SOBP: variants seen among roughly 807,000 people sequenced by gnomAD.
SOBP encodes the protein sine oculis binding protein homolog, also known as sine oculis-binding protein homolog.
SOBP carries 4 observed loss-of-function variants against 53.6 expected under a neutral mutation model. The observed-to-expected ratio is 0.07, with a 90% CI of 0.04 to 0.17. The LOEUF (loss-of-function observed/expected upper bound fraction) is 0.17. Among genes scored for constraint, SOBP ranks in the 10% least tolerant of loss-of-function variants. The pLI, the probability that SOBP is intolerant of heterozygous loss-of-function variation, is 1.00. For synonymous variants in SOBP, 584 were observed against 522.6 expected, an observed-to-expected ratio of 1.12 and a Z score of -1.60; for missense variants, 1,088 against 1,204.7, an observed-to-expected ratio of 0.90 and a Z score of 1.43.
rs754199891 is a variant in SOBP, at chr6:107,533,440, T to C, written c.422-19T>C. ...TGTTTGCTTCTGATATGAACATTTT[T>C]CTTATACTTTTATTATAGAAGATGA... On this transcript the variant is annotated intron_variant, in intron 3 of 6. Transcript: ENST00000317357. 1 of 1,613,944 alleles carries C rather than the reference T, an allele frequency of 6.2e-7. No individual in the cohort carries two copies. The highest frequency in any genetic ancestry group is 8.5e-7 in the Non-Finnish European group (1 of 1,179,862).
chr6:107,587,634 C>T (rs1785608645), intron 5 of SOBP, among the ~76,000 whole-genome samples: 1 of 152,126 alleles, frequency 6.6e-6, no homozygotes, highest in African/African-American at 2.4e-5. Context: ...AAGTATTCCT[C>T]CACTCTCTTG....
chr6:107,631,524 A>G (rs1267312560), intron 5 of SOBP, among the ~76,000 whole-genome samples: 2 of 152,208 alleles, frequency 1.3e-5, no homozygotes, highest in Non-Finnish European at 2.9e-5. Flanking sequence ...TAGATGAAAA[A>G]TTTGAGGGTC....
intron 5 of SOBP, among the ~76,000 whole-genome samples, chr6:107,623,922 G>A (rs1046228395): frequency 1.3e-5 from 2 of 152,288 alleles, no homozygotes; most frequent in African/African-American, 2.4e-5. Context: ...GGGAAACCAC[G>A]TCAATTCTTT....
chr6:107,552,617 A>G (rs1784491131), intron 4 of SOBP, among the ~76,000 whole-genome samples: 1 of 152,138 alleles, frequency 6.6e-6, no homozygotes, highest in South Asian at 2.1e-4. Flanking sequence ...ATTCCAGTCA[A>G]ATGAGATGAA....
At chr6:107,583,913 T>C (rs1785485565) in intron 4 of SOBP, among the ~76,000 whole-genome samples, 1 of 152,204 alleles carries the variant, frequency 6.6e-6, no homozygotes, top group Admixed American at 6.5e-5. Flanking sequence ...CATGAAATGC[T>C]CCAATGAACA....
At chr6:107,592,288 A>G (rs1465820355) in intron 5 of SOBP, among the ~76,000 whole-genome samples, 1 of 152,174 alleles carries the variant, frequency 6.6e-6, no homozygotes. Flanking sequence ...TGTCTTTGCA[A>G]TCCAGCCCAA....
At chr6:107,517,980 A>G (rs2114966291) in intron 3 of SOBP, among the ~76,000 whole-genome samples, 1 of 152,346 alleles carries the variant, frequency 6.6e-6, no homozygotes, top group South Asian at 2.1e-4. Context: ...ATAGTGCAAT[A>G]TATCAATATA....
intron 1 of SOBP, among the ~76,000 whole-genome samples, chr6:107,491,523 G>A (rs186132081): frequency 4.6e-5 from 7 of 152,358 alleles, no homozygotes; most frequent in Non-Finnish European, 7.3e-5. Context: ...CGCTCCAGCT[G>A]TTCGCGTTAG....
chr6:107,536,960 A>G (rs12198392), intron 4 of SOBP, among the ~76,000 whole-genome samples: 2,852 of 152,360 alleles, frequency 0.019, 45 homozygotes, highest in East Asian at 0.054. Flanking sequence ...CATTGTATGG[A>G]CAATGGGATG....
intron 5 of SOBP, chr6:107,621,102 T>G (rs1786987638): frequency 1.2e-6 from 1 of 813,740 alleles, no homozygotes; most frequent in Non-Finnish European, 1.5e-6. Flanking sequence ...AGATTTCTGG[T>G]GAGTGATATT....
At chr6:107,564,303 A>G (rs1031498463) in intron 4 of SOBP, among the ~76,000 whole-genome samples, 1 of 152,138 alleles carries the variant, frequency 6.6e-6, no homozygotes, top group Non-Finnish European at 1.5e-5. Flanking sequence ...ACTCTCCTGT[A>G]GTTTCAATGC....
intron 6 of SOBP, among the ~76,000 whole-genome samples, chr6:107,644,768 T>C (rs1004376218): frequency 4.6e-5 from 7 of 152,320 alleles, no homozygotes; most frequent in African/African-American, 1.7e-4. Flanking sequence ...ATAGATCAAA[T>C]TTCTTTTAAA....
At chr6:107,610,773 TGTGTGCGCAC>T (rs1483185756) in intron 5 of SOBP, among the ~76,000 whole-genome samples, 10 of 148,964 alleles carry the variant, frequency 6.7e-5, no homozygotes, top group Non-Finnish European at 1.3e-4. Context: ...TGCGCATGTG[TGTGTGCGCAC>T]GTGTGTGCAC....
chr6:107,613,603 G>T (rs971525585), intron 5 of SOBP, among the ~76,000 whole-genome samples: 2 of 152,192 alleles, frequency 1.3e-5, no homozygotes, highest in Non-Finnish European at 2.9e-5. Context: ...TTTGTTATAA[G>T]TTCACAGATA....
intron 5 of SOBP, among the ~76,000 whole-genome samples, chr6:107,594,400 C>T (rs1459728609): frequency 6.6e-6 from 1 of 151,796 alleles, no homozygotes; most frequent in East Asian, 1.9e-4. Flanking sequence ...TTTACATGTG[C>T]ACATTTGCAT....
chr6:107,635,258 A>G lies in SOBP; in HGVS notation c.2414A>G (p.Asn805Ser). 1 of 1,613,830 alleles carries G rather than the reference A, an allele frequency of 6.2e-7. No homozygotes were observed. Reference sequence around the variant, plus strand: ...GCGGGGGGCGACAAGTCAGACCCGAACCTTAATAACCCCGCGGACGAGGAC... The same window carrying G: ...GCGGGGGGCGACAAGTCAGACCCGAGCCTTAATAACCCCGCGGACGAGGAC... ...ALAGGDKSDP[N>S]LNNPADEDHA... The change falls in exon 6 of 7, where the codon AAC (asparagine) becomes AGC (serine). Residue 805 changes from asparagine to serine, a missense_variant. Asn to Ser is a conservative substitution (Grantham distance 46, BLOSUM62 1). Transcript: ENST00000317357. This position sits in a 1 kb window ranked among gnomAD's most constrained non-coding sequence, Gnocchi z 4.5.
chr6:107,500,548 A>C (rs780310296), intron 1 of SOBP, among the ~76,000 whole-genome samples: 1 of 151,722 alleles, frequency 6.6e-6, no homozygotes, highest in African/African-American at 2.4e-5. Context: ...TTGAGAAGGA[A>C]TCTCTCTCTG....
intron 1 of SOBP, among the ~76,000 whole-genome samples, chr6:107,496,828 C>A (rs1782714538): frequency 6.6e-6 from 1 of 152,172 alleles, no homozygotes; most frequent in South Asian, 2.1e-4. Context: ...AGAGGAAGTA[C>A]TTTGTAATCT....
chr6:107,550,731 G>A lies in SOBP; in HGVS notation c.573+17121G>A, dbSNP rs529764764. 4.6e-5 allele frequency among the ~76,000 whole-genome samples: 7 copies of A among 152,220 alleles called. No individual in the cohort carries two copies. The East Asian group carries it at 5.8e-4, about 13-fold the overall frequency. The stretch of plus-strand genomic sequence containing the variant: ...AAATGGGATGGATAGAAAAAAGGAC[G>A]GTGAGGCTCAAAAAAGATGTGAGTC... On this transcript the variant is annotated intron_variant, in intron 4 of 6. Transcript: ENST00000317357.
Sources: allele counts gnomAD v4.1 joint callset (sites outside exome capture counted in the v4.1 genomes callset), GRCh38; gene constraint gnomAD v4.1.1; non-coding constraint Gnocchi (gnomAD v3.1); transcripts MANE v1.5; gene names NCBI Gene and HGNC (gene_info 2026-07-23, HGNC 2026-07-21).